The following ARHGAP23 variants were observed in gnomAD, a reference collection of about 807,000 sequenced individuals.
The protein encoded by ARHGAP23 is Rho GTPase activating protein 23, also known as rho GTPase-activating protein 23.
In ARHGAP23, 34 loss-of-function variants were observed where a neutral mutation model predicts 136.3. The ratio of observed to expected loss-of-function variants is 0.25; its 90% CI spans 0.19 to 0.33. The LOEUF is 0.33. ARHGAP23 is among the 10% of genes least tolerant of loss of function. The probability of loss-of-function intolerance (pLI) is 1.00; values close to 1 mark genes in which losing one functional copy is unlikely to be tolerated. For synonymous variants in ARHGAP23, 832 were observed against 920.5 expected (o/e 0.90, Z 1.74); for missense variants, 1,808 against 2,139.0 (o/e 0.85, Z 3.05).
chr17:38,474,744 G>A (rs750417838), intron 11 of ARHGAP23, among the ~76,000 whole-genome samples: 1 of 141,148 alleles, frequency 7.1e-6, no homozygotes, highest in Non-Finnish European at 1.6e-5. Flanking sequence ...ACCCGGCTGA[G>A]CCTTGAGAGA....
upstream of ARHGAP23, chr17:38,428,408 GC>G: frequency 1.3e-5 from 8 of 634,150 alleles, no homozygotes; most frequent in South Asian, 1.1e-4. Flanking sequence ...GCTCGGCCCC[GC>G]CCCCGGCCCC....
At chr17:38,424,665 G>A (rs1018562646), upstream of ARHGAP23, among the ~76,000 whole-genome samples, 8 of 152,170 alleles carry the variant, frequency 5.3e-5, no homozygotes, top group African/African-American at 1.9e-4. Flanking sequence ...TGGACCCACG[G>A]TTTAAGCAGC....
intron 20 of ARHGAP23, 85 bp from the exon 21 acceptor site, chr17:38,497,700 C>T: frequency 2.8e-6 from 4 of 1,442,300 alleles, no homozygotes; most frequent in Non-Finnish European, 3.8e-6. Context: ...CCCTTGCCGC[C>T]TGAGCGGGTC....
intron 1 of ARHGAP23, among the ~76,000 whole-genome samples, chr17:38,438,183 T>C (rs1365488777): frequency 6.6e-6 from 1 of 151,936 alleles, no homozygotes; most frequent in Non-Finnish European, 1.5e-5. Flanking sequence ...TAGCTGGGCG[T>C]GGTGGCATGC....
At chr17:38,491,074 G>A (rs2040267971) in intron 19 of ARHGAP23, among the ~76,000 whole-genome samples, 1 of 84,774 alleles carries the variant, frequency 1.2e-5, no homozygotes, top group Non-Finnish European at 2.9e-5. Context: ...ACCTGGAAGT[G>A]ATCGGATTAT....
chr17:38,504,040 G>A (rs1227162931), intron 23 of ARHGAP23, among the ~76,000 whole-genome samples: 4 of 152,230 alleles, frequency 2.6e-5, no homozygotes, highest in Admixed American at 2.0e-4. Context: ...GAGAACTTAA[G>A]TAACTAGAAG....
At chr17:38,480,921 C>T (rs2144715048) in intron 14 of ARHGAP23, among the ~76,000 whole-genome samples, 2 of 151,862 alleles carry the variant, frequency 1.3e-5, no homozygotes, top group South Asian at 4.2e-4. Flanking sequence ...TTGCTTGAGG[C>T]CAGGAGTTTG....
At chr17:38,496,539 G>C (rs62074692) in intron 20 of ARHGAP23, among the ~76,000 whole-genome samples, 1 of 152,136 alleles carries the variant, frequency 6.6e-6, no homozygotes, top group Non-Finnish European at 1.5e-5. Flanking sequence ...GCTTGCCGAA[G>C]GTCATCTCTT....
At chr17:38,457,723 A>T (rs2039362290) in intron 1 of ARHGAP23, 1 of 323,202 alleles carries the variant, frequency 3.1e-6, no homozygotes, top group Non-Finnish European at 5.7e-6. Context: ...ATTGTGCATG[A>T]GCTAAGACAA....
chr17:38,450,021 T>A (rs1268804143), intron 1 of ARHGAP23, among the ~76,000 whole-genome samples: 1 of 152,122 alleles, frequency 6.6e-6, no homozygotes, highest in Non-Finnish European at 1.5e-5. Context: ...GACCATCCTC[T>A]CCTGTGAGGG....
Position 38,463,312 on chromosome 17 carries a change from C to T in ARHGAP23, c.429-16C>T, listed in dbSNP as rs1475334311. The T allele has an allele frequency of 6.4e-7, 1 of 1,551,720 alleles. No homozygotes were observed. Among genetic ancestry groups the T allele is most frequent in the South Asian group, 1.2e-5 (1 of 84,068 alleles). On this transcript the variant is annotated splice_polypyrimidine_tract_variant and intron_variant, in intron 5 of 23. Transcript: ENST00000622683. ...CTGTTCCTTGACCCAGCCTGACGTT[C>T]TGCCTGTCTCTGTAGTGATGACACT...
chr17:38,446,609 ATT>A lies in ARHGAP23; in HGVS notation c.64-11475_64-11474del, dbSNP rs59571187. The stretch of plus-strand genomic sequence containing the variant: ...GGATCATATGGTAATTCTGTGTTTA[ATT>A]TTTTTTTTTTTTTTTTTGAGACGGA... On this transcript the variant is annotated intron_variant, in intron 1 of 23. Coordinates refer to ENST00000622683, the MANE Select transcript of ARHGAP23 (RefSeq NM_001199417.2). 5.3e-3 allele frequency among the ~76,000 whole-genome samples: 704 copies of A among 131,592 alleles called. 8 individuals carry two copies. Among genetic ancestry groups the A allele is most frequent in the African/African-American group, 0.018 (639 of 35,694 alleles). 86.3% of individuals were successfully genotyped at this position (131,592 alleles called of 152,430 possible). A position where few individuals can be genotyped will look rare whatever the true frequency, so the allele number is the denominator to read the frequency against.
At position 38,469,153 on chromosome 17, in the gene ARHGAP23, C is replaced by T; in HGVS notation, c.1658C>T (p.Thr553Ile). The T allele has an allele frequency of 1.3e-6, 2 of 1,549,878 alleles. No individual in the cohort carries two copies. Among genetic ancestry groups the T allele is most frequent in the South Asian group, 2.4e-5 (2 of 83,818 alleles). ...LASIPFIDEP[T>I]SPSIDLQAKH... is the part of the protein sequence containing the mutation. ...CCTTCCACATGCATAGATGAGCCCACCAGCCCCAGCATTGACCTCCAAGCC... is the reference window on the plus strand; with the variant it reads ...CCTTCCACATGCATAGATGAGCCCATCAGCCCCAGCATTGACCTCCAAGCC... Residue 553 changes from threonine (T) to isoleucine (I), a missense_variant, in exon 8 of 24, where the codon ACC becomes ATC. By Grantham distance (89) the Thr-to-Ile change is moderately conservative. Transcript: ENST00000622683.
chr17:38,475,840 G>T (rs962801231), intron 11 of ARHGAP23, among the ~76,000 whole-genome samples: 1 of 152,170 alleles, frequency 6.6e-6, no homozygotes, highest in African/African-American at 2.4e-5. Flanking sequence ...GATCAGAAGC[G>T]GGAGCTGCAT....
chr17:38,473,361 T>A (rs2039810437), intron 11 of ARHGAP23, among the ~76,000 whole-genome samples: 1 of 152,132 alleles, frequency 6.6e-6, no homozygotes, highest in Non-Finnish European at 1.5e-5. Context: ...TCCGGCCACA[T>A]ATCAAGCACG....
In ARHGAP23 at chr17:38,467,199, G is replaced by A. The variant is rs537595741; in HGVS notation, c.1516G>A (p.Ala506Thr). The A allele has an allele frequency of 9.0e-6, 14 of 1,550,786 alleles. No homozygotes were observed. The East Asian group carries it at 2.4e-4, about 27-fold the overall frequency. The change falls in exon 7 of 24, where the codon GCA (alanine) becomes ACA (threonine). Residue 506 changes from alanine to threonine, a missense_variant. Transcript: ENST00000622683. The part of the protein sequence containing the change: ...PTGRKVQLTP[A>T]RQMNLGFGDE... ...GGGCCGCAAGGTTCAGCTGACCCCC[G>A]CAAGACAGATGAACCTTGGATTTGG...
rs552633415 is a variant in ARHGAP23 at position 38,444,879 on chromosome 17, G to T, written c.64-13223G>T. ...GCCGTCCAGGCTGGAGTGCAATGGCGTGATCTCGGCTCACTGCAACCTCCA... is the reference window on the plus strand; with the variant it reads ...GCCGTCCAGGCTGGAGTGCAATGGCTTGATCTCGGCTCACTGCAACCTCCA... On this transcript the variant is annotated intron_variant, in intron 1 of 23. Transcript: ENST00000622683. 4.3e-4 allele frequency among the ~76,000 whole-genome samples: 65 copies of T among 151,708 alleles called. 1 individual carries two copies. The highest frequency in any genetic ancestry group is 1.5e-3 in the African/African-American group (63 of 41,340).
At chr17:38,462,406 C>T (rs2039482973) in intron 3 of ARHGAP23, among the ~76,000 whole-genome samples, 1 of 151,890 alleles carries the variant, frequency 6.6e-6, no homozygotes, top group Non-Finnish European at 1.5e-5. Context: ...GGCATGCGTG[C>T]CACCACACAC....
chr17:38,454,784 G>A (rs145081901), intron 1 of ARHGAP23, among the ~76,000 whole-genome samples: 3 of 152,286 alleles, frequency 2.0e-5, no homozygotes, highest in Non-Finnish European at 2.9e-5. Flanking sequence ...TTATGCTCCC[G>A]GGGGGAGGAG....
Sources: allele counts gnomAD v4.1 joint callset (sites outside exome capture counted in the v4.1 genomes callset), GRCh38; gene constraint gnomAD v4.1.1; transcripts MANE v1.5; gene names NCBI Gene and HGNC (gene_info 2026-07-23, HGNC 2026-07-21).